SYNE2: variants seen among roughly 807,000 people sequenced by gnomAD.
The protein encoded by SYNE2 is nesprin-2.
In SYNE2, 431 loss-of-function variants were observed where a neutral mutation model predicts 856.3. That is an observed-to-expected ratio of 0.50 (90% confidence interval 0.47 to 0.55). SYNE2 has a LOEUF of 0.55. SYNE2 is among the 20% of genes least tolerant of loss of function. The pLI is 0.00. For missense variants in SYNE2, 8,129 were observed against 8,023.2 expected, an observed-to-expected ratio of 1.01 and a Z score of -0.50; for synonymous variants, 2,923 against 2,872.3, an observed-to-expected ratio of 1.02 and a Z score of -0.56.
chr14:63,927,830 T>G (rs1398288167), intron 2 of SYNE2, among the ~76,000 whole-genome samples: 1 of 149,546 alleles, frequency 6.7e-6, no homozygotes, highest in Non-Finnish European at 1.5e-5. Flanking sequence ...AGGCAGAGGT[T>G]GCAGTGAGCC....
intron 2 of SYNE2, among the ~76,000 whole-genome samples, chr14:63,929,758 T>G (rs2095721026): frequency 1.4e-5 from 2 of 143,134 alleles, no homozygotes. Context: ...GCGACAAGAG[T>G]GAAACTGTCT....
chr14:63,928,290 G>A (rs1448400370), intron 2 of SYNE2, among the ~76,000 whole-genome samples: 3 of 152,182 alleles, frequency 2.0e-5, no homozygotes, highest in Non-Finnish European at 4.4e-5. Flanking sequence ...GAAGTTGACA[G>A]GCACGTACTT....
At chr14:64,137,753 AAATAATTC>A in intron 78 of SYNE2, 26 bp from the exon 79 acceptor site, 1 of 1,609,694 alleles carries the variant, frequency 6.2e-7, no homozygotes, top group Non-Finnish European at 8.5e-7. Context: ...TTTATTTTCT[AAATAATTC>A]ATTCTATGAC....
At chr14:64,123,497 G>A (rs2097913944) in intron 70 of SYNE2, among the ~76,000 whole-genome samples, 1 of 152,204 alleles carries the variant, frequency 6.6e-6, no homozygotes, top group South Asian at 2.1e-4. Flanking sequence ...AAACTCATCA[G>A]TTGGCCCTTA....
Position 64,214,256 on chromosome 14 carries a change from C to G in SYNE2, c.19119C>G (p.Ile6373Met), listed in dbSNP as rs773388737. Residue 6373 changes from isoleucine to methionine, a missense_variant, in exon 106 of 116, where the codon ATC becomes ATG. This residue lies in a region of SYNE2 where 5,410 missense variants were observed against 5,284.8 expected (regional missense o/e 1.02). Transcript: ENST00000555002. ...NETDMEDPRE[I>M]QTDSWRKRGE... The stretch of plus-strand genomic sequence containing the variant: ...CAGACATGGAAGACCCCAGAGAAAT[C>G]CAGACTGATTCTTGGCGTAAACGGG... The G allele has an allele frequency of 1.2e-6, 2 of 1,614,030 alleles. No homozygotes were observed. The highest frequency in any genetic ancestry group is 2.2e-5 in the East Asian group (1 of 44,884).
intron 1 of SYNE2, among the ~76,000 whole-genome samples, chr14:63,874,239 G>A (rs1189909341): frequency 6.6e-6 from 1 of 152,052 alleles, no homozygotes; most frequent in Admixed American, 6.6e-5. Flanking sequence ...TCTTATAGTT[G>A]CACAAAAAGA....
intron 50 of SYNE2, among the ~76,000 whole-genome samples, chr14:64,063,390 T>G (rs1288806675): frequency 2.0e-5 from 3 of 152,166 alleles, no homozygotes; most frequent in Non-Finnish European, 4.4e-5. Flanking sequence ...AGGAAGGAAA[T>G]GAAGCAGTGG....
At chr14:63,953,544 A>G (rs894560573) in intron 7 of SYNE2, among the ~76,000 whole-genome samples, 1 of 116,558 alleles carries the variant, frequency 8.6e-6, no homozygotes, top group African/African-American at 3.9e-5. Flanking sequence ...AGAGAGAGAG[A>G]GATAGATAGA....
intron 71 of SYNE2, among the ~76,000 whole-genome samples, chr14:64,125,823 C>T (rs1416951341): frequency 2.0e-5 from 3 of 152,188 alleles, no homozygotes; most frequent in Non-Finnish European, 4.4e-5. Context: ...ACAATCGGCT[C>T]ATAAATGACA....
chr14:63,861,108 A>G (rs895635184), intron 1 of SYNE2, among the ~76,000 whole-genome samples: 3 of 150,750 alleles, frequency 2.0e-5, no homozygotes, highest in Non-Finnish European at 4.4e-5. Context: ...CTTCAAGTCT[A>G]TGCATATGGT....
intron 101 of SYNE2, 136 bp from the exon 102 acceptor site, chr14:64,209,292 G>A (rs866733038): frequency 7.1e-7 from 1 of 1,407,276 alleles, no homozygotes; most frequent in African/African-American, 1.4e-5. Flanking sequence ...CAGACAAGAA[G>A]TGGCGTCCCT....
chr14:64,129,681 C>T (rs1169600141), intron 74 of SYNE2, 101 bp from the exon 75 acceptor site: 4 of 1,542,612 alleles, frequency 2.6e-6, no homozygotes, highest in Admixed American at 1.9e-5. Context: ...TTTTGCTTTT[C>T]CCTTCATCCC....
Position 63,949,852 on chromosome 14 carries a change from T to C in SYNE2, c.436T>C (p.Cys146Arg). ...TGAGAAGCTTGCCCAGACTCTTTCT[T>C]GCAATTACAATCAGCCTTCCCTGGA... ...HIEKLAQTLSCNYNQPSLDDV... is the reference protein window; with the variant it reads ...HIEKLAQTLSRNYNQPSLDDV... The change falls in exon 7 of 116, where the codon TGC becomes CGC. Residue 146 changes from cysteine (C) to arginine (R), a missense_variant. Physicochemically the swap from Cys to Arg is radical, Grantham distance 180. This residue lies in a region of SYNE2 where 2,422 missense variants were observed against 2,357.4 expected (regional missense o/e 1.03). Transcript: ENST00000555002. 6.2e-7 allele frequency: 1 copy of C among 1,614,166 alleles called. No homozygotes were observed. Among genetic ancestry groups the C allele is most frequent in the Non-Finnish European group, 8.5e-7 (1 of 1,180,010 alleles).
intron 13 of SYNE2, among the ~76,000 whole-genome samples, chr14:63,978,402 A>AAAAT (rs757728397): frequency 1.4e-4 from 22 of 152,250 alleles, no homozygotes; most frequent in Non-Finnish European, 3.1e-4. Context: ...TACAAACTGT[A>AAAAT]AAATACTACA....
chr14:63,836,436 A>G (rs778939061), intron 1 of SYNE2, among the ~76,000 whole-genome samples: 17 of 152,308 alleles, frequency 1.1e-4, no homozygotes, highest in Admixed American at 5.2e-4. Flanking sequence ...CAGACTATAA[A>G]CATTGGGGTC....
chr14:64,040,096 ATCTG>A (rs541899739), intron 45 of SYNE2, among the ~76,000 whole-genome samples: 4 of 152,302 alleles, frequency 2.6e-5, no homozygotes, highest in East Asian at 1.9e-4. Context: ...TCAGTCTCTA[ATCTG>A]TCTGTCTATC....
intron 99 of SYNE2, among the ~76,000 whole-genome samples, chr14:64,194,642 T>G (rs1332212337): frequency 6.6e-6 from 1 of 152,168 alleles, no homozygotes; most frequent in African/African-American, 2.4e-5. Flanking sequence ...CAGCAAAACT[T>G]CTGAATGCAA....
At chr14:64,118,862 GAAA>G (rs1174672336) in intron 66 of SYNE2, among the ~76,000 whole-genome samples, 1 of 67,704 alleles carries the variant, frequency 1.5e-5, no homozygotes, top group Non-Finnish European at 3.1e-5. Flanking sequence ...CTCCGTCTCA[GAAA>G]AAAAAAAAAA....
chr14:64,217,983 A>C (rs1012593279), intron 108 of SYNE2, among the ~76,000 whole-genome samples: 4 of 152,238 alleles, frequency 2.6e-5, no homozygotes, highest in African/African-American at 9.6e-5. Flanking sequence ...AATGATGCCA[A>C]CCACCTCTAC....
Sources: allele counts gnomAD v4.1 joint callset (sites outside exome capture counted in the v4.1 genomes callset), GRCh38; gene constraint gnomAD v4.1.1; regional missense constraint gnomAD v4.1.1; transcripts MANE v1.5; gene names NCBI Gene and HGNC (gene_info 2026-07-23, HGNC 2026-07-21).